The following GARIN2 variants were observed in gnomAD, a reference collection of about 807,000 sequenced individuals.
GARIN2 encodes the protein Golgi-associated RAB2 interactor protein 2.
At chr14:67,203,762 G>T in the GARIN2 span, among the ~76,000 whole-genome samples, 1,140 of 152,242 alleles carry the variant, frequency 7.5e-3, 7 homozygotes, top group Non-Finnish European at 0.01. Flanking sequence ...ACCCAGGCTG[G>T]AGTGCAATGG....
chr14:67,218,739 C>G, the GARIN2 span, among the ~76,000 whole-genome samples: 4 of 151,954 alleles, frequency 2.6e-5, no homozygotes, highest in African/African-American at 9.7e-5. Context: ...AGCCATTCTG[C>G]TTGCCCAAGG....
At chr14:67,207,716 G>A in the GARIN2 span, among the ~76,000 whole-genome samples, 1 of 152,096 alleles carries the variant, frequency 6.6e-6, no homozygotes, top group Non-Finnish European at 1.5e-5. Flanking sequence ...CAGAAATTGG[G>A]AAATTAGGAG....
the GARIN2 span, among the ~76,000 whole-genome samples, chr14:67,226,002 G>T: frequency 6.7e-6 from 1 of 149,958 alleles, no homozygotes; most frequent in South Asian, 2.1e-4. Flanking sequence ...TGCTCATAAG[G>T]GCTGAGTTCA....
At chr14:67,224,406 G>A in the GARIN2 span, among the ~76,000 whole-genome samples, 4 of 151,762 alleles carry the variant, frequency 2.6e-5, no homozygotes, top group East Asian at 1.9e-4. Context: ...CTACAGATGC[G>A]TGCCACTATG....
the GARIN2 span, chr14:67,198,050 T>C: frequency 3.1e-6 from 4 of 1,310,254 alleles, no homozygotes; most frequent in South Asian, 4.4e-5. Context: ...ATTGATAAAA[T>C]TTGCTGAATT....
At chr14:67,190,715 A>T in the GARIN2 span, among the ~76,000 whole-genome samples, 1 of 152,190 alleles carries the variant, frequency 6.6e-6, no homozygotes, top group Non-Finnish European at 1.5e-5. Context: ...CATTTTCAAG[A>T]GATAGAAGCC....
the GARIN2 span, among the ~76,000 whole-genome samples, chr14:67,195,064 G>C: frequency 6.6e-6 from 1 of 152,150 alleles, no homozygotes; most frequent in African/African-American, 2.4e-5. Context: ...TAGTGCACAG[G>C]TATCTCAAAT....
the GARIN2 span, among the ~76,000 whole-genome samples, chr14:67,192,531 G>A: frequency 6.6e-5 from 10 of 151,732 alleles, no homozygotes; most frequent in Non-Finnish European, 1.2e-4. Context: ...CCCGCACACC[G>A]AGAAGGCAAA....
the GARIN2 span, among the ~76,000 whole-genome samples, chr14:67,194,273 AG>A: frequency 6.6e-6 from 1 of 150,978 alleles, no homozygotes; most frequent in East Asian, 2.0e-4. Context: ...CTGAGGTGGG[AG>A]GATCACTTGA....
chr14:67,200,351 T>C, the GARIN2 span: 1 of 638,570 alleles, frequency 1.6e-6, no homozygotes, highest in Non-Finnish European at 2.8e-6. Flanking sequence ...TTCCTCCTAT[T>C]ACATCTTCCC....
the GARIN2 span, chr14:67,199,483 C>G: frequency 6.2e-7 from 1 of 1,613,080 alleles, no homozygotes; most frequent in Non-Finnish European, 8.5e-7. Flanking sequence ...CAGGCAACTC[C>G]AAAGGTTATG....
chr14:67,223,442 C>T, the GARIN2 span, among the ~76,000 whole-genome samples: 1,711 of 152,316 alleles, frequency 0.011, 16 homozygotes, highest in Non-Finnish European at 0.018. Flanking sequence ...GGGCATGATT[C>T]GCTGTCTCAA....
At chr14:67,201,264 A>T in the GARIN2 span, among the ~76,000 whole-genome samples, 1 of 152,252 alleles carries the variant, frequency 6.6e-6, no homozygotes, top group African/African-American at 2.4e-5. Context: ...ACTGCACTCC[A>T]GCCTGGATGA....
the GARIN2 span, among the ~76,000 whole-genome samples, chr14:67,225,944 TGTGTGTGTGTGTGTGTGTGC>T: frequency 7.4e-6 from 1 of 135,584 alleles, no homozygotes; most frequent in Non-Finnish European, 1.5e-5. Context: ...TGTGTGTGTG[TGTGTGTGTGTGTGTGTGTGC>T]GCGCGCGCGC....
At chr14:67,224,212 T>A in the GARIN2 span, among the ~76,000 whole-genome samples, 2 of 151,848 alleles carry the variant, frequency 1.3e-5, no homozygotes, top group African/African-American at 2.4e-5. Context: ...TGAAATAGGG[T>A]CCAGGTTAAA....
At chr14:67,222,557 T>G in the GARIN2 span, among the ~76,000 whole-genome samples, 1 of 152,114 alleles carries the variant, frequency 6.6e-6, no homozygotes, top group Non-Finnish European at 1.5e-5. Context: ...ATTATAGGAG[T>G]GAGCCACCAC....
chr14:67,215,697 A>C, the GARIN2 span, among the ~76,000 whole-genome samples: 1 of 152,252 alleles, frequency 6.6e-6, no homozygotes, highest in Non-Finnish European at 1.5e-5. Flanking sequence ...GAAAAGCGTA[A>C]GGTTTATTTA....
the GARIN2 span, among the ~76,000 whole-genome samples, chr14:67,218,446 G>A: frequency 6.6e-6 from 1 of 152,264 alleles, no homozygotes; most frequent in Non-Finnish European, 1.5e-5. Context: ...CGTGCTCACT[G>A]GGGACAGCCT....
chr14:67,210,393 C>A, the GARIN2 span, among the ~76,000 whole-genome samples: 1 of 151,988 alleles, frequency 6.6e-6, no homozygotes, highest in South Asian at 2.1e-4. Flanking sequence ...TGAAACCCAC[C>A]TGGACAACAT....
Sources: gnomAD v4.1 joint callset for allele counts (sites outside exome capture counted in the v4.1 genomes callset) on GRCh38, gnomAD v4.1.1 for gene constraint, MANE v1.5 for transcripts, NCBI Gene and HGNC (gene_info 2026-07-23, HGNC 2026-07-21) for gene names.